Variants in KCNH7 observed in about 807,000 individuals in gnomAD.
The protein encoded by KCNH7 is potassium voltage-gated channel subfamily H member 7, also known as voltage-gated inwardly rectifying potassium channel KCNH7.
A neutral mutation model predicts 120.8 loss-of-function variants in KCNH7; 49 were observed. That is an observed-to-expected ratio of 0.41 (90% CI 0.32 to 0.51). The LOEUF (loss-of-function observed/expected upper bound fraction) is 0.51, where lower values mean the gene tolerates loss of function less well. KCNH7 is among the 20% of genes least tolerant of loss of function. The probability of loss-of-function intolerance (pLI) is 0.38; values close to 1 mark genes in which losing one functional copy is unlikely to be tolerated. For synonymous variants in KCNH7, 547 were observed against 516.1 expected (o/e 1.06, Z -0.81); for missense variants, 1,097 against 1,446.6 (o/e 0.76, Z 3.92).
At chr2:162,545,275 C>G (rs1208948597) in intron 2 of KCNH7, among the ~76,000 whole-genome samples, 4 of 152,152 alleles carry the variant, frequency 2.6e-5, no homozygotes. Context: ...AGTAAATATA[C>G]TTTGTCCAAT....
chr2:162,810,589 A>G (rs1408386842), intron 2 of KCNH7, among the ~76,000 whole-genome samples: 1 of 152,184 alleles, frequency 6.6e-6, no homozygotes, highest in Non-Finnish European at 1.5e-5. Flanking sequence ...TAGCCTTTAG[A>G]TCTGCTCTCA....
chr2:162,646,377 T>G (rs753870602), intron 2 of KCNH7, among the ~76,000 whole-genome samples: 16 of 152,192 alleles, frequency 1.1e-4, no homozygotes. Context: ...TTTTACTGCT[T>G]TCTCTTTCTA....
chr2:162,780,617 C>T (rs1408617416), intron 2 of KCNH7, among the ~76,000 whole-genome samples: 3 of 152,016 alleles, frequency 2.0e-5, no homozygotes, highest in African/African-American at 4.8e-5. Context: ...TTTTATTTAC[C>T]CTCTTATATT....
chr2:162,465,486 G>A lies in KCNH7; in HGVS notation c.1129-19043C>T, dbSNP rs76285294. On this transcript the variant is annotated intron_variant, in intron 6 of 15. Transcript: ENST00000332142. The stretch of plus-strand genomic sequence containing the variant: ...TACACTTATTATACAGGCAATTGCC[G>A]TGGCAGTACAGGACTTAATGGCAGG... 6.9e-3 allele frequency among the ~76,000 whole-genome samples: 1,047 copies of A among 152,204 alleles called. 12 individuals carry two copies. The highest frequency in any genetic ancestry group is 0.024 in the African/African-American group (1,007 of 41,542).
chr2:162,679,993 T>C (rs936262950), intron 2 of KCNH7, among the ~76,000 whole-genome samples: 3 of 151,802 alleles, frequency 2.0e-5, no homozygotes, highest in African/African-American at 7.2e-5. Context: ...ACTAAATCAA[T>C]AAAGAATATG....
At chr2:162,522,257 G>A (rs559424404) in intron 3 of KCNH7, among the ~76,000 whole-genome samples, 1 of 151,836 alleles carries the variant, frequency 6.6e-6, no homozygotes, top group Admixed American at 6.6e-5. Context: ...TTATTACGAT[G>A]CATTGAAAGT....
chr2:162,518,200 G>T, intron 3 of KCNH7, 42 bp from the exon 4 acceptor site: 3 of 1,399,220 alleles, frequency 2.1e-6, no homozygotes, highest in South Asian at 2.6e-5. Flanking sequence ...TAAGGCAAAT[G>T]ATATATCCTG....
chr2:162,493,757 T>G (rs1021737563), intron 6 of KCNH7, among the ~76,000 whole-genome samples: 7 of 152,252 alleles, frequency 4.6e-5, no homozygotes, highest in Middle Eastern at 3.4e-3. Flanking sequence ...ATACAAGCTG[T>G]GTAAGGAAAG....
chr2:162,789,516 C>T (rs557867411), intron 2 of KCNH7, among the ~76,000 whole-genome samples: 20 of 151,872 alleles, frequency 1.3e-4, no homozygotes, highest in African/African-American at 4.3e-4. Flanking sequence ...ATGAACCTAA[C>T]GGACGTATAT....
chr2:162,573,298 T>C (rs1349079411), intron 2 of KCNH7, among the ~76,000 whole-genome samples: 1 of 152,024 alleles, frequency 6.6e-6, no homozygotes, highest in African/African-American at 2.4e-5. Context: ...AGGGTAAGAA[T>C]AGTAGCTCAT....
chr2:162,723,816 T>C (rs1293305737), intron 2 of KCNH7, among the ~76,000 whole-genome samples: 2 of 152,140 alleles, frequency 1.3e-5, no homozygotes, highest in Non-Finnish European at 1.5e-5. Flanking sequence ...AAGTATACAG[T>C]ATATAAAAGC....
chr2:162,748,939 C>A (rs868027877), intron 2 of KCNH7, among the ~76,000 whole-genome samples: 1 of 91,840 alleles, frequency 1.1e-5, no homozygotes. Flanking sequence ...TCCTTCCTTC[C>A]TTCCTTCCTT....
At chr2:162,494,082 G>T (rs749255489) in intron 6 of KCNH7, among the ~76,000 whole-genome samples, 1 of 152,098 alleles carries the variant, frequency 6.6e-6, no homozygotes, top group African/African-American at 2.4e-5. Flanking sequence ...TCACTGCAAG[G>T]TCAAACTGGT....
rs530360162 is a variant in KCNH7, at chr2:162,434,088, C to T, written c.1954+1110G>A. On this transcript the variant is annotated intron_variant, in intron 8 of 15. Transcript: ENST00000332142. ...AAGCATGTCCTTTGCAGCAACATGG[C>T]GGCAGCTGGAGGCCATTATCCTAAG... Among the ~76,000 whole-genome samples the T allele has an allele frequency of 2.0e-4, 31 of 152,034 alleles. No homozygotes were observed. In the Middle Eastern group the frequency reaches 0.01, roughly 50 times the overall value.
chr2:162,459,564 C>T (rs1689082577), intron 6 of KCNH7, among the ~76,000 whole-genome samples: 2 of 152,164 alleles, frequency 1.3e-5, no homozygotes. Flanking sequence ...CTTCTTCCTT[C>T]TACCTCATGA....
At chr2:162,485,847 C>T (rs1397773686) in intron 6 of KCNH7, among the ~76,000 whole-genome samples, 1 of 152,186 alleles carries the variant, frequency 6.6e-6, no homozygotes, top group Non-Finnish European at 1.5e-5. Flanking sequence ...CTGACAGCTG[C>T]CAGTCAACCA....
intron 6 of KCNH7, among the ~76,000 whole-genome samples, chr2:162,486,748 C>A (rs190576476): frequency 1.8e-3 from 271 of 152,122 alleles, no homozygotes; most frequent in African/African-American, 5.5e-3. Flanking sequence ...AAAAAATCAC[C>A]CCCATATTAA....
intron 6 of KCNH7, among the ~76,000 whole-genome samples, chr2:162,473,270 A>G (rs916406766): frequency 6.6e-6 from 1 of 152,096 alleles, no homozygotes; most frequent in African/African-American, 2.4e-5. Flanking sequence ...TCATAAAACA[A>G]AAAAAGAGAA....
chr2:162,685,991 T>C (rs1249649429), intron 2 of KCNH7, among the ~76,000 whole-genome samples: 1 of 152,058 alleles, frequency 6.6e-6, no homozygotes, highest in African/African-American at 2.4e-5. Context: ...TTCTCTAATA[T>C]TACTGTCCGG....
Sources: allele counts gnomAD v4.1 joint callset (sites outside exome capture counted in the v4.1 genomes callset), GRCh38; gene constraint gnomAD v4.1.1; transcripts MANE v1.5; gene names NCBI Gene and HGNC (gene_info 2026-07-23, HGNC 2026-07-21).